KANK1: variants seen among roughly 807,000 people sequenced by gnomAD.
KANK1 encodes KN motif and ankyrin repeat domains 1.
A neutral mutation model predicts 106.2 loss-of-function variants in KANK1; 109 were observed. The ratio of observed to expected loss-of-function variants is 1.03; its 90% CI spans 0.88 to 1.20. The LOEUF is 1.20. KANK1 is among the 50% of genes most tolerant of loss of function. The pLI is 0.00. For missense variants in KANK1, 2,399 were observed against 1,710.7 expected, an observed-to-expected ratio of 1.40 and a Z score of -7.10; for synonymous variants, 873 against 652.2, an observed-to-expected ratio of 1.34 and a Z score of -5.16.
intron 1 of KANK1, among the ~76,000 whole-genome samples, chr9:507,805 C>A (rs1460278565): frequency 2.0e-5 from 3 of 152,060 alleles, no homozygotes; most frequent in Non-Finnish European, 4.4e-5. Context: ...ATGTGCCCAC[C>A]TCGGCCTCTC....
In KANK1 at chr9:513,743, CA is replaced by C. The variant is rs1207962440; in HGVS notation, c.-84+8993del. On this transcript the variant is annotated intron_variant, in intron 1 of 11. Transcript: ENST00000382297. Reference sequence around the variant, plus strand: ...CCTTTGACCTTGGGAAAAAATAGAACAAAAGCAATTAGAACAAAAGTAGATA... The same window carrying C: ...CCTTTGACCTTGGGAAAAAATAGAACAAAGCAATTAGAACAAAAGTAGATA... Among the ~76,000 whole-genome samples the C allele has an allele frequency of 2.6e-5, 4 of 152,118 alleles. No homozygotes were observed. The South Asian group carries it at 8.3e-4, about 32-fold the overall frequency.
chr9:659,591 A>C (rs1238905560), intron 1 of KANK1, among the ~76,000 whole-genome samples: 22 of 152,320 alleles, frequency 1.4e-4, no homozygotes, highest in Non-Finnish European at 2.9e-4. Flanking sequence ...ATCGACTCAC[A>C]GTTCCACAGG....
chr9:545,890 C>T (rs542528082), intron 1 of KANK1, among the ~76,000 whole-genome samples: 31 of 152,074 alleles, frequency 2.0e-4, no homozygotes, highest in African/African-American at 7.0e-4. Context: ...GGATTACAGG[C>T]ATGCACCACC....
chr9:712,982 G>A lies in KANK1; in HGVS notation c.2216G>A (p.Gly739Glu). Residue 739 changes from glycine (G) to glutamate (E), a missense_variant, in exon 3 of 12, where the codon GGA becomes GAA. By Grantham distance (98) the Gly-to-Glu change is moderately conservative. Coordinates refer to ENST00000382297, the MANE Select transcript of KANK1 (RefSeq NM_015158.5). ...ACCAAGACGCGGTCCATTGGTGTTG[G>A]AACGTTGCTTTCTGGCCATTCTGGG... The part of the protein sequence containing the change: ...SSTKTRSIGV[G>E]TLLSGHSGFD... 1 of 1,614,202 alleles carries A rather than the reference G, an allele frequency of 6.2e-7. No homozygotes were observed.
intron 3 of KANK1, among the ~76,000 whole-genome samples, chr9:499,414 A>G (rs1425160871): frequency 6.6e-6 from 1 of 152,172 alleles, no homozygotes; most frequent in Admixed American, 6.5e-5. Flanking sequence ...TAAAAAGGAA[A>G]GATGTACAGA....
chr9:702,820 C>T (rs564564888), intron 2 of KANK1, among the ~76,000 whole-genome samples: 2 of 152,170 alleles, frequency 1.3e-5, no homozygotes, highest in South Asian at 4.1e-4. Flanking sequence ...CTAACCTTGG[C>T]ATTCCTTCAG....
intron 1 of KANK1, among the ~76,000 whole-genome samples, chr9:589,123 G>C (rs1277854071): frequency 2.0e-5 from 3 of 152,192 alleles, no homozygotes; most frequent in Admixed American, 1.3e-4. Context: ...TAACTAGAAT[G>C]TTAAAGTGCT....
intron 2 of KANK1, among the ~76,000 whole-genome samples, chr9:703,359 C>T (rs1365688122): frequency 6.6e-6 from 1 of 152,108 alleles, no homozygotes; most frequent in East Asian, 1.9e-4. Flanking sequence ...AGTCATCTCT[C>T]AGCTAGACTA....
At position 711,136 on chromosome 9, in the gene KANK1, C is replaced by G. The variant is rs552707734; in HGVS notation, c.370C>G (p.Pro124Ala). 13 of 1,614,060 alleles carry G rather than the reference C, an allele frequency of 8.1e-6. No homozygotes were observed. In the East Asian group the frequency reaches 8.9e-5, roughly 11 times the overall value. ...TSTPISKPPPPLETSLPFLTI... is the reference protein window; with the variant it reads ...TSTPISKPPPALETSLPFLTI... ...AACTCCAATCTCAAAGCCACCTCCCCCTCTGGAGACCTCACTCCCTTTTCT... is the reference window on the plus strand; with the variant it reads ...AACTCCAATCTCAAAGCCACCTCCCGCTCTGGAGACCTCACTCCCTTTTCT... The change falls in exon 3 of 12, where the codon CCT becomes GCT. Residue 124 changes from proline to alanine, a missense_variant. Transcript: ENST00000382297.
At chr9:558,379 A>G (rs370980161) in intron 1 of KANK1, among the ~76,000 whole-genome samples, 5 of 152,348 alleles carry the variant, frequency 3.3e-5, no homozygotes, top group East Asian at 3.9e-4. Context: ...TCCTAGGGGA[A>G]CAATACAGAG....
At chr9:719,209 C>T (rs1029445441) in intron 3 of KANK1, among the ~76,000 whole-genome samples, 8 of 152,152 alleles carry the variant, frequency 5.3e-5, no homozygotes, top group Middle Eastern at 3.4e-3. Flanking sequence ...CCTCATGATC[C>T]ACCCACCTCG....
intron 1 of KANK1, among the ~76,000 whole-genome samples, chr9:640,499 G>C (rs1333915758): frequency 6.6e-6 from 1 of 151,880 alleles, no homozygotes; most frequent in Non-Finnish European, 1.5e-5. Flanking sequence ...CCAGGTTCAA[G>C]TGATTCTTCC....
chr9:509,870 C>T (rs1186428273), intron 1 of KANK1, among the ~76,000 whole-genome samples: 3 of 152,122 alleles, frequency 2.0e-5, no homozygotes, highest in South Asian at 2.1e-4. Flanking sequence ...GATCAGAGCT[C>T]GCTGTAACCG....
intron 1 of KANK1, among the ~76,000 whole-genome samples, chr9:505,391 C>T (rs1261821177): frequency 2.6e-5 from 4 of 152,206 alleles, no homozygotes; most frequent in Non-Finnish European, 5.9e-5. Context: ...TGGGGCGGCC[C>T]AACCCGGCGC....
intron 1 of KANK1, among the ~76,000 whole-genome samples, chr9:670,730 T>A (rs545664210): frequency 3.7e-4 from 56 of 152,282 alleles, no homozygotes; most frequent in African/African-American, 1.3e-3. Flanking sequence ...CAGGGTGGTA[T>A]CTCCCTTCAG....
At chr9:669,808 T>G (rs902277067) in intron 1 of KANK1, among the ~76,000 whole-genome samples, 1 of 152,184 alleles carries the variant, frequency 6.6e-6, no homozygotes. Context: ...TTGAGTAAGC[T>G]TTTTTCTACC....
At chr9:592,881 T>G (rs1243498192) in intron 1 of KANK1, among the ~76,000 whole-genome samples, 2 of 151,854 alleles carry the variant, frequency 1.3e-5, no homozygotes, top group Non-Finnish European at 2.9e-5. Context: ...GGTAGTCCTT[T>G]GTGCAAAACG....
intron 1 of KANK1, among the ~76,000 whole-genome samples, chr9:655,698 A>T (rs778287688): frequency 2.6e-5 from 4 of 152,218 alleles, no homozygotes; most frequent in African/African-American, 9.6e-5. Context: ...CACAGTTTTT[A>T]TATATTTTTA....
At chr9:694,781 C>T (rs1820830123) in intron 2 of KANK1, among the ~76,000 whole-genome samples, 1 of 152,112 alleles carries the variant, frequency 6.6e-6, no homozygotes, top group Non-Finnish European at 1.5e-5. Context: ...ATTGGCAATA[C>T]CCAGGAGGGA....
Sources: allele counts gnomAD v4.1 joint callset (sites outside exome capture counted in the v4.1 genomes callset), GRCh38; gene constraint gnomAD v4.1.1; transcripts MANE v1.5; gene names NCBI Gene and HGNC (gene_info 2026-07-23, HGNC 2026-07-21).